The following PDE4D variants were observed in gnomAD, a reference collection of about 807,000 sequenced individuals.
The protein encoded by PDE4D is 3',5'-cyclic-AMP phosphodiesterase 4D.
Under a neutral mutation model 87.4 loss-of-function variants are expected in PDE4D, and 24 were observed. That is an observed-to-expected ratio of 0.27 (90% CI 0.20 to 0.39). The LOEUF (loss-of-function observed/expected upper bound fraction) is 0.39, where lower values mean the gene tolerates loss of function less well. Among genes scored for constraint, PDE4D ranks in the 10% least tolerant of loss-of-function variants. PDE4D has a pLI of 1.00. For missense variants in PDE4D, 714 were observed against 1,041.0 expected (o/e 0.69, Z 4.32); for synonymous variants, 384 against 383.2 (o/e 1.00, Z -0.02).
At position 60,510,617 on chromosome 5, in the gene PDE4D, G is replaced by T. The variant is rs985460272; in HGVS notation, n.70+11434C>A. On this transcript the variant is annotated intron_variant and non_coding_transcript_variant, in intron 1 of 2. Transcript: ENST00000506510. ...AGTATAGGCTGCAGGAAAGGAAACA[G>T]GAGGTGATACAGCTGGAAGGGCAAG... 2.6e-5 allele frequency among the ~76,000 whole-genome samples: 4 copies of T among 152,204 alleles called. No individual in the cohort carries two copies. The South Asian group carries it at 8.3e-4, about 32-fold the overall frequency.
intron 1 of PDE4D, among the ~76,000 whole-genome samples, chr5:59,885,403 A>G (rs1749996869): frequency 6.6e-6 from 1 of 152,068 alleles, no homozygotes; most frequent in Admixed American, 6.5e-5. Context: ...GAAGTGTTGC[A>G]TTTTTCTAAA....
At chr5:59,504,431 T>C (rs191412663) in intron 1 of PDE4D, among the ~76,000 whole-genome samples, 19 of 152,300 alleles carry the variant, frequency 1.2e-4, no homozygotes, top group Admixed American at 7.2e-4. Flanking sequence ...CAGTTAAATT[T>C]GGCTAACTAG....
chr5:59,645,768 T>C (rs909954508), intron 1 of PDE4D, among the ~76,000 whole-genome samples: 6 of 152,178 alleles, frequency 3.9e-5, no homozygotes, highest in Non-Finnish European at 8.8e-5. Context: ...TTCCAAATCT[T>C]ACAGTTCACA....
chr5:60,068,575 A>G (rs893738812), intron 2 of PDE4D, among the ~76,000 whole-genome samples: 2 of 151,702 alleles, frequency 1.3e-5, no homozygotes, highest in Admixed American at 1.3e-4. Flanking sequence ...GTTGATTCAT[A>G]TCATTATTTT....
At chr5:59,017,661 AC>A (rs5868151) in intron 6 of PDE4D, among the ~76,000 whole-genome samples, 85,163 of 151,958 alleles carry the variant, frequency 0.56, 24,094 homozygotes, top group Admixed American at 0.63. Flanking sequence ...CCATCAAAAT[AC>A]TTAAAAATGT....
At chr5:60,148,335 C>A (rs1176598886) in intron 2 of PDE4D, among the ~76,000 whole-genome samples, 2 of 152,038 alleles carry the variant, frequency 1.3e-5, no homozygotes, top group Non-Finnish European at 2.9e-5. Flanking sequence ...ACAAAAGTAA[C>A]AATACAACCA....
chr5:59,763,843 T>C (rs1292209515), intron 1 of PDE4D, among the ~76,000 whole-genome samples: 3 of 152,162 alleles, frequency 2.0e-5, no homozygotes, highest in Non-Finnish European at 4.4e-5. Context: ...TCCTAACAGA[T>C]GGTGCCAGAC....
chr5:59,620,311 A>T (rs543839713), intron 1 of PDE4D, among the ~76,000 whole-genome samples: 21 of 152,334 alleles, frequency 1.4e-4, no homozygotes, highest in Admixed American at 3.9e-4. Context: ...GAGATCACAC[A>T]GGTGGATTAA....
At chr5:59,979,822 T>C (rs1174068396) in intron 3 of PDE4D, among the ~76,000 whole-genome samples, 4 of 152,066 alleles carry the variant, frequency 2.6e-5, no homozygotes, top group South Asian at 2.1e-4. Flanking sequence ...TCTAAGTACC[T>C]AGAATTTTTT....
intron 3 of PDE4D, among the ~76,000 whole-genome samples, chr5:59,953,629 TA>T (rs746566564): frequency 1.3e-5 from 2 of 152,224 alleles, no homozygotes; most frequent in African/African-American, 2.4e-5. Context: ...GACAAGACAT[TA>T]CAAAGGCTGG....
chr5:60,068,102 G>A (rs1039893481), intron 2 of PDE4D, among the ~76,000 whole-genome samples: 1 of 152,164 alleles, frequency 6.6e-6, no homozygotes, highest in Non-Finnish European at 1.5e-5. Flanking sequence ...GGGATTGCTG[G>A]ATCATGTAAT....
intron 1 of PDE4D, among the ~76,000 whole-genome samples, chr5:59,358,886 T>C (rs528839708): frequency 6.6e-6 from 1 of 152,342 alleles, no homozygotes; most frequent in South Asian, 2.1e-4. Context: ...CACTGATTTC[T>C]AATAAAAGCT....
chr5:58,976,289 G>T, intron 13 of PDE4D, 61 bp downstream of exon 13: 1 of 1,545,572 alleles, frequency 6.5e-7, no homozygotes, highest in Non-Finnish European at 8.8e-7. Flanking sequence ...AGCTGAACAC[G>T]CAGACATGTG....
At chr5:60,205,992 T>C (rs1742475968) in intron 1 of PDE4D, among the ~76,000 whole-genome samples, 1 of 152,202 alleles carries the variant, frequency 6.6e-6, no homozygotes, top group Admixed American at 6.5e-5. Context: ...ATTCAACTAA[T>C]GTCATTAAGT....
At chr5:60,021,494 G>A (rs1412466274) in intron 2 of PDE4D, among the ~76,000 whole-genome samples, 1 of 152,222 alleles carries the variant, frequency 6.6e-6, no homozygotes, top group Non-Finnish European at 1.5e-5. Context: ...AGTGGATGCA[G>A]AGTGCTGTGC....
intron 1 of PDE4D, among the ~76,000 whole-genome samples, chr5:60,356,257 A>G (rs898697292): frequency 1.2e-4 from 18 of 152,206 alleles, no homozygotes; most frequent in Non-Finnish European, 1.5e-4. Context: ...AGTGATTATT[A>G]TGTTCTCACT....
chr5:60,432,119 G>GA (rs1561250732), intron 1 of PDE4D, among the ~76,000 whole-genome samples: 3 of 151,990 alleles, frequency 2.0e-5, no homozygotes, highest in African/African-American at 7.3e-5. Flanking sequence ...GAGGGAGAGG[G>GA]GATTAGTTTT....
chr5:59,029,416 C>CAAAAAAA (rs34120574), intron 6 of PDE4D, among the ~76,000 whole-genome samples: 25 of 86,788 alleles, frequency 2.9e-4, no homozygotes, highest in South Asian at 9.7e-4. Context: ...GACTCCATCA[C>CAAAAAAA]AAAAAAAAAA....
At chr5:59,529,628 T>C (rs895402709) in intron 1 of PDE4D, among the ~76,000 whole-genome samples, 1 of 152,208 alleles carries the variant, frequency 6.6e-6, no homozygotes, top group East Asian at 1.9e-4. Flanking sequence ...CAATTTACCT[T>C]CCTTTGAACT....
Sources: gnomAD v4.1 joint callset for allele counts (sites outside exome capture counted in the v4.1 genomes callset) on GRCh38, gnomAD v4.1.1 for gene constraint, MANE v1.5 for transcripts, NCBI Gene and HGNC (gene_info 2026-07-23, HGNC 2026-07-21) for gene names.